The following RNGTT variants were observed in gnomAD, a reference collection of about 807,000 sequenced individuals.
RNGTT encodes RNA guanylyltransferase and 5'-phosphatase.
A neutral mutation model predicts 79.3 loss-of-function variants in RNGTT; 33 were observed. That is an observed-to-expected ratio of 0.42 (90% CI 0.32 to 0.56). The LOEUF (loss-of-function observed/expected upper bound fraction) is 0.56. Ranked by LOEUF, RNGTT falls within the 20% of genes least tolerant of loss-of-function variation. RNGTT has a pLI of 0.17. For synonymous variants in RNGTT, 222 were observed against 235.9 expected, an observed-to-expected ratio of 0.94 and a Z score of 0.54; for missense variants, 497 against 739.1, an observed-to-expected ratio of 0.67 and a Z score of 3.80.
chr6:88,901,211 C>T (rs548690814), intron 6 of RNGTT, among the ~76,000 whole-genome samples: 3 of 150,860 alleles, frequency 2.0e-5, no homozygotes, highest in East Asian at 3.9e-4. Flanking sequence ...GAAGAAAGAA[C>T]AAATAGATCT....
intron 8 of RNGTT, among the ~76,000 whole-genome samples, chr6:88,879,179 G>A (rs1388365936): frequency 6.6e-6 from 1 of 152,078 alleles, no homozygotes. Context: ...AGCAGATCAC[G>A]AGGTAAGGAG....
At chr6:88,637,519 G>T (rs774470718) in intron 14 of RNGTT, among the ~76,000 whole-genome samples, 17 of 152,092 alleles carry the variant, frequency 1.1e-4, no homozygotes, top group Admixed American at 3.3e-4. Flanking sequence ...TGTCACAGAT[G>T]TAACTCCTGA....
At chr6:88,830,462 C>A (rs1187278597) in intron 11 of RNGTT, among the ~76,000 whole-genome samples, 1 of 152,106 alleles carries the variant, frequency 6.6e-6, no homozygotes, top group Non-Finnish European at 1.5e-5. Flanking sequence ...TAAATGCACA[C>A]AGGAGAAAGC....
chr6:88,795,447 A>G (rs1183405957), intron 12 of RNGTT, among the ~76,000 whole-genome samples: 1 of 152,132 alleles, frequency 6.6e-6, no homozygotes, highest in East Asian at 1.9e-4. Flanking sequence ...AGAAAACCAA[A>G]CACCACATGT....
At chr6:88,787,637 C>A (rs1252794982) in intron 12 of RNGTT, among the ~76,000 whole-genome samples, 1 of 149,384 alleles carries the variant, frequency 6.7e-6, no homozygotes, top group African/African-American at 2.5e-5. Context: ...CCAGCCTGGG[C>A]AACAAGAGTG....
chr6:88,633,392 C>G (rs1375945937), intron 14 of RNGTT, among the ~76,000 whole-genome samples: 1 of 152,176 alleles, frequency 6.6e-6, no homozygotes. Flanking sequence ...TACTCTTCCC[C>G]CTGAATGGCA....
intron 8 of RNGTT, among the ~76,000 whole-genome samples, chr6:88,856,073 T>C (rs1562287856): frequency 1.3e-5 from 2 of 152,240 alleles, no homozygotes; most frequent in African/African-American, 2.4e-5. Flanking sequence ...GAAACCACTG[T>C]ATCTTTCTCT....
intron 13 of RNGTT, among the ~76,000 whole-genome samples, chr6:88,707,977 C>T (rs1337613196): frequency 6.6e-6 from 1 of 151,812 alleles, no homozygotes; most frequent in Admixed American, 6.6e-5. Context: ...TCTAAGTAGA[C>T]AAGCAGAAGC....
At chr6:88,735,508 G>A (rs1048414676) in intron 13 of RNGTT, among the ~76,000 whole-genome samples, 2 of 148,184 alleles carry the variant, frequency 1.3e-5, no homozygotes, top group Non-Finnish European at 3.0e-5. Flanking sequence ...ACAGAAAGAC[G>A]CTGGAAAATC....
intron 6 of RNGTT, among the ~76,000 whole-genome samples, chr6:88,897,465 T>G (rs1285513315): frequency 6.6e-6 from 1 of 152,156 alleles, no homozygotes; most frequent in Non-Finnish European, 1.5e-5. Context: ...CTATCATTAT[T>G]CCCCAAATCT....
intron 6 of RNGTT, among the ~76,000 whole-genome samples, chr6:88,897,765 G>A (rs1250847856): frequency 6.6e-6 from 1 of 152,080 alleles, no homozygotes; most frequent in Non-Finnish European, 1.5e-5. Context: ...TAGATTACTT[G>A]TCCCAAAAAT....
At chr6:88,677,544 G>GC (rs1263899937) in intron 14 of RNGTT, among the ~76,000 whole-genome samples, 3 of 152,092 alleles carry the variant, frequency 2.0e-5, no homozygotes, top group Non-Finnish European at 2.9e-5. Flanking sequence ...ATGGCTCACT[G>GC]CAACCTTGAC....
intron 13 of RNGTT, among the ~76,000 whole-genome samples, chr6:88,740,912 A>G (rs1249237556): frequency 1.3e-5 from 2 of 152,106 alleles, no homozygotes; most frequent in Non-Finnish European, 2.9e-5. Context: ...AAAGAAATGA[A>G]ATGACTTTTT....
intron 14 of RNGTT, among the ~76,000 whole-genome samples, chr6:88,657,780 C>G (rs1214377842): frequency 1.3e-5 from 2 of 152,170 alleles, no homozygotes; most frequent in Admixed American, 6.5e-5. Context: ...AAGCCTGTCA[C>G]TGCCAGCTTT....
At chr6:88,698,291 C>CAT (rs1192855957) in intron 13 of RNGTT, among the ~76,000 whole-genome samples, 1 of 89,664 alleles carries the variant, frequency 1.1e-5, no homozygotes, top group African/African-American at 7.6e-5. Context: ...TCATATATAT[C>CAT]ATATATATAT....
intron 8 of RNGTT, among the ~76,000 whole-genome samples, chr6:88,868,601 T>C (rs141021712): frequency 4.2e-4 from 64 of 152,344 alleles, no homozygotes; most frequent in African/African-American, 5.8e-4. Flanking sequence ...AGAGTCTATG[T>C]CATGTCATTT....
intron 2 of RNGTT, among the ~76,000 whole-genome samples, chr6:88,935,444 T>TG (rs1412767949): frequency 2.0e-5 from 3 of 152,198 alleles, no homozygotes; most frequent in African/African-American, 7.2e-5. Context: ...TGGGGTGCAG[T>TG]GTCTCATGCA....
intron 8 of RNGTT, among the ~76,000 whole-genome samples, chr6:88,881,726 T>G (rs1165303201): frequency 6.6e-6 from 1 of 152,192 alleles, no homozygotes; most frequent in Non-Finnish European, 1.5e-5. Flanking sequence ...TTTGCTGTCT[T>G]GGAATCTCCC....
At chr6:88,778,027 G>A (rs1055739535) in intron 12 of RNGTT, among the ~76,000 whole-genome samples, 16 of 152,128 alleles carry the variant, frequency 1.1e-4, no homozygotes, top group Non-Finnish European at 2.2e-4. Context: ...CAAATGCTTT[G>A]TATGAATCTG....
Sources: gnomAD v4.1 joint callset for allele counts (sites outside exome capture counted in the v4.1 genomes callset) on GRCh38, gnomAD v4.1.1 for gene constraint, MANE v1.5 for transcripts, NCBI Gene and HGNC (gene_info 2026-07-23, HGNC 2026-07-21) for gene names.